TENM3: variants seen among roughly 807,000 people sequenced by gnomAD.
TENM3 encodes the protein teneurin-3.
TENM3 carries 63 observed loss-of-function variants against 255.1 expected under a neutral mutation model. The observed-to-expected ratio is 0.25, with a 90% CI of 0.20 to 0.30. The LOEUF is 0.30. TENM3 is among the 10% of genes least tolerant of loss of function. The pLI, the probability that TENM3 is intolerant of heterozygous loss-of-function variation, is 1.00. For missense variants in TENM3, 2,929 were observed against 3,461.1 expected (o/e 0.85, Z 3.86); for synonymous variants, 1,306 against 1,322.3 (o/e 0.99, Z 0.27).
chr4:181,452,662 C>T, the TENM3 span, among the ~76,000 whole-genome samples: 2 of 152,114 alleles, frequency 1.3e-5, no homozygotes, highest in Admixed American at 1.3e-4. Context: ...TCAGGTATGT[C>T]TTTATTAGCA....
the TENM3 span, among the ~76,000 whole-genome samples, chr4:182,022,482 C>T: frequency 6.7e-6 from 1 of 149,698 alleles, no homozygotes; most frequent in Non-Finnish European, 1.5e-5. Flanking sequence ...CAAACCTCAG[C>T]ATCACACAAT....
chr4:181,707,963 C>CT, the TENM3 span, among the ~76,000 whole-genome samples: 6 of 150,878 alleles, frequency 4.0e-5, no homozygotes, highest in African/African-American at 4.9e-5. Context: ...AATTCTTAGT[C>CT]TTTTTTTTTC....
In TENM3 at chr4:182,500,714, GA is replaced by G. The variant is rs1169406150; in HGVS notation, c.512-100208del. On this transcript the variant is annotated intron_variant, in intron 3 of 27. Transcript: ENST00000511685. ...GAAATGCATACATGCAAACACATGA[GA>G]ACATTTATCAGCACTGTTTGTAATT... Among the ~76,000 whole-genome samples the G allele has an allele frequency of 2.0e-5, 3 of 152,012 alleles. No individual in the cohort carries two copies. In the East Asian group the frequency reaches 5.8e-4, roughly 29 times the overall value.
At chr4:181,885,641 G>C in the TENM3 span, among the ~76,000 whole-genome samples, 3 of 152,054 alleles carry the variant, frequency 2.0e-5, no homozygotes, top group Admixed American at 2.0e-4. Context: ...CACTCCCATA[G>C]CTACATGTTC....
the TENM3 span, among the ~76,000 whole-genome samples, chr4:181,795,600 A>C: frequency 6.6e-6 from 1 of 152,206 alleles, no homozygotes; most frequent in Admixed American, 6.5e-5. Context: ...CCAGTTGCTG[A>C]ACTACTGAGC....
At chr4:182,013,979 T>C in the TENM3 span, among the ~76,000 whole-genome samples, 1 of 114,910 alleles carries the variant, frequency 8.7e-6, no homozygotes, top group Admixed American at 9.2e-5. Flanking sequence ...TATATATACG[T>C]GTATATACGT....
Position 182,799,637 on chromosome 4 carries a change from G to C in TENM3, c.7386G>C (p.Lys2462Asn). 1.3e-6 allele frequency: 2 copies of C among 1,546,198 alleles called. No individual in the cohort carries two copies. Residue 2462 changes from lysine (K) to asparagine (N), a missense_variant, in exon 28 of 28, where the codon AAG becomes AAC. Physicochemically the swap from Lys to Asn is moderately conservative, Grantham distance 94. Transcript: ENST00000511685. The surrounding 1 kb of genome is among the most constrained non-coding windows in gnomAD (Gnocchi z 4.2). Reference protein sequence around the residue: ...GVQQQVARQAKAFLSLGKMAE... With the variant: ...GVQQQVARQANAFLSLGKMAE... ...AGCAGCAAGTGGCGCGGCAGGCCAA[G>C]GCCTTCCTGTCGCTGGGGAAGATGG...
At chr4:182,549,758 G>A (rs1042793178) in intron 3 of TENM3, among the ~76,000 whole-genome samples, 7 of 152,248 alleles carry the variant, frequency 4.6e-5, no homozygotes, top group Middle Eastern at 6.8e-3. Context: ...AAGAAACATA[G>A]GATACTTGTA....
chr4:181,559,959 G>C, the TENM3 span, among the ~76,000 whole-genome samples: 3 of 152,186 alleles, frequency 2.0e-5, no homozygotes, highest in Non-Finnish European at 4.4e-5. Context: ...CTTAAAACAG[G>C]AATATAATTA....
chr4:182,673,027 A>G lies in TENM3; in HGVS notation c.1134A>G (p.Gln378=). ...GDNGKLGGFT[Q]ENNTIDSGEL... ...CAGGAAAATTAGGTGGATTTACGCAAGAAAATAACACCATAGATTCCGGAG... is the reference window on the plus strand; with the variant it reads ...CAGGAAAATTAGGTGGATTTACGCAGGAAAATAACACCATAGATTCCGGAG... The change falls in exon 7 of 28, where the codon CAA becomes CAG. Residue 378 remains glutamine, a synonymous_variant. Transcript: ENST00000511685. 1 of 1,593,342 alleles carries G rather than the reference A, an allele frequency of 6.3e-7. No individual in the cohort carries two copies. The highest frequency in any genetic ancestry group is 1.1e-5 in the South Asian group (1 of 88,274).
intron 6 of TENM3, among the ~76,000 whole-genome samples, chr4:182,667,530 A>G (rs1241482076): frequency 6.6e-6 from 1 of 152,144 alleles, no homozygotes; most frequent in Non-Finnish European, 1.5e-5. Flanking sequence ...TTATTTTTTC[A>G]GTTCGAATAA....
the TENM3 span, among the ~76,000 whole-genome samples, chr4:181,555,330 C>T: frequency 6.6e-6 from 1 of 152,120 alleles, no homozygotes; most frequent in East Asian, 1.9e-4. Flanking sequence ...TCATTCGAGA[C>T]TATATTATCT....
At chr4:182,108,415 A>G in the TENM3 span, among the ~76,000 whole-genome samples, 1 of 152,218 alleles carries the variant, frequency 6.6e-6, no homozygotes, top group Admixed American at 6.5e-5. Context: ...TGAATGAGGA[A>G]TACTGTTTCC....
chr4:182,458,508 G>A (rs1242874645), intron 3 of TENM3, among the ~76,000 whole-genome samples: 1 of 152,014 alleles, frequency 6.6e-6, no homozygotes, highest in Non-Finnish European at 1.5e-5. Flanking sequence ...GGACTTTTCT[G>A]GATTGCTACC....
At chr4:182,169,815 A>G (rs1412474784) in intron 1 of TENM3, among the ~76,000 whole-genome samples, 1 of 152,206 alleles carries the variant, frequency 6.6e-6, no homozygotes, top group Non-Finnish European at 1.5e-5. Flanking sequence ...TAACAAAATT[A>G]TAGACAGGTT....
chr4:181,572,284 C>T, the TENM3 span, among the ~76,000 whole-genome samples: 2 of 152,106 alleles, frequency 1.3e-5, no homozygotes, highest in Admixed American at 1.3e-4. Flanking sequence ...GTCCTTCCTA[C>T]AGGGGCTCAG....
chr4:182,474,923 A>T (rs554302307), intron 3 of TENM3, among the ~76,000 whole-genome samples: 1 of 152,198 alleles, frequency 6.6e-6, no homozygotes. Flanking sequence ...CCTCTTGTGC[A>T]TAATGGTTGC....
chr4:182,446,273 T>G (rs1772905586), intron 3 of TENM3, among the ~76,000 whole-genome samples: 1 of 152,242 alleles, frequency 6.6e-6, no homozygotes. Flanking sequence ...AAGGTGGAAC[T>G]AGATATACAT....
the TENM3 span, among the ~76,000 whole-genome samples, chr4:181,766,903 G>A: frequency 2.7e-4 from 41 of 152,028 alleles, 1 homozygote; most frequent in East Asian, 3.9e-4. Context: ...TTTGAATGTC[G>A]AATCATCAAA....
Sources: allele counts gnomAD v4.1 joint callset (sites outside exome capture counted in the v4.1 genomes callset), GRCh38; gene constraint gnomAD v4.1.1; non-coding constraint Gnocchi (gnomAD v3.1); transcripts MANE v1.5; gene names NCBI Gene and HGNC (gene_info 2026-07-23, HGNC 2026-07-21).